Variants in HECTD2 observed in about 807,000 individuals in gnomAD.
HECTD2 encodes the protein probable E3 ubiquitin-protein ligase HECTD2.
A neutral mutation model predicts 103.2 loss-of-function variants in HECTD2; 35 were observed. The observed-to-expected ratio is 0.34, with a 90% CI of 0.26 to 0.45. HECTD2 has a LOEUF of 0.45. Ranked by LOEUF, HECTD2 falls within the 20% of genes least tolerant of loss-of-function variation. The pLI, the probability that HECTD2 is intolerant of heterozygous loss-of-function variation, is 1.00. For synonymous variants in HECTD2, 281 were observed against 329.9 expected (o/e 0.85, Z 1.61); for missense variants, 596 against 937.4 (o/e 0.64, Z 4.76).
intron 1 of HECTD2, among the ~76,000 whole-genome samples, chr10:91,420,032 CA>C (rs951601338): frequency 6.6e-6 from 1 of 152,124 alleles, no homozygotes; most frequent in African/African-American, 2.4e-5. Context: ...ATCATTTTGC[CA>C]TTGCACAAAA....
chr10:91,415,300 C>T (rs1166798293), intron 1 of HECTD2, among the ~76,000 whole-genome samples: 1 of 150,544 alleles, frequency 6.6e-6, no homozygotes. Context: ...GCTCTTTGTT[C>T]ATTATGTTCT....
At chr10:91,479,719 ATT>A (rs1247981800) in intron 6 of HECTD2, among the ~76,000 whole-genome samples, 1 of 152,188 alleles carries the variant, frequency 6.6e-6, no homozygotes, top group Non-Finnish European at 1.5e-5. Context: ...GAGTATAAAC[ATT>A]TTAAGACAAT....
At chr10:91,501,393 G>A in intron 20 of HECTD2, 59 bp downstream of exon 20, 2 of 1,076,284 alleles carry the variant, frequency 1.9e-6, no homozygotes, top group South Asian at 1.7e-5. Context: ...TACTGCTAAT[G>A]ATAATACATT....
At chr10:91,462,645 G>A in intron 5 of HECTD2, 1 of 1,008,612 alleles carries the variant, frequency 9.9e-7, no homozygotes, top group South Asian at 4.7e-5. Flanking sequence ...TTTATGATGT[G>A]ACACATACTA....
intron 2 of HECTD2, among the ~76,000 whole-genome samples, chr10:91,451,789 AG>A (rs1163515027): frequency 2.6e-5 from 4 of 152,118 alleles, no homozygotes; most frequent in Non-Finnish European, 2.9e-5. Flanking sequence ...ATAGGAGGGT[AG>A]GTAAAGAAGG....
chr10:91,440,254 A>G (rs909105230), intron 2 of HECTD2, among the ~76,000 whole-genome samples: 4 of 152,106 alleles, frequency 2.6e-5, no homozygotes, highest in African/African-American at 9.7e-5. Context: ...CATCCCATCA[A>G]TACCTAGTTT....
chr10:91,475,899 C>T (rs1845882348), intron 5 of HECTD2, among the ~76,000 whole-genome samples: 1 of 152,168 alleles, frequency 6.6e-6, no homozygotes, highest in South Asian at 2.1e-4. Flanking sequence ...CCATGACAAC[C>T]ATCCCATGGT....
chr10:91,434,041 A>C (rs1241165287), intron 2 of HECTD2, among the ~76,000 whole-genome samples: 1 of 152,012 alleles, frequency 6.6e-6, no homozygotes. Flanking sequence ...CTTTTATTAC[A>C]GTTTTATAAA....
intron 2 of HECTD2, among the ~76,000 whole-genome samples, chr10:91,454,082 G>T (rs935054448): frequency 7.2e-5 from 11 of 152,130 alleles, no homozygotes; most frequent in African/African-American, 2.6e-4. Context: ...TCCACAATTA[G>T]GTATTGAAGT....
intron 2 of HECTD2, among the ~76,000 whole-genome samples, chr10:91,436,117 A>G (rs944894451): frequency 1.3e-5 from 2 of 151,754 alleles, no homozygotes; most frequent in African/African-American, 2.4e-5. Flanking sequence ...TTCTCCCTGC[A>G]TGGTGTCTGA....
At position 91,472,581 on chromosome 10, in the gene HECTD2, A is replaced by T. The variant is rs117142383; in HGVS notation, c.601-5620A>T. 2.7e-4 allele frequency among the ~76,000 whole-genome samples: 41 copies of T among 152,340 alleles called. No homozygotes were observed. The East Asian group carries it at 7.3e-3, about 27-fold the overall frequency. On this transcript the variant is annotated intron_variant, in intron 5 of 20. Coordinates refer to ENST00000298068, the MANE Select transcript of HECTD2 (RefSeq NM_182765.6). The stretch of plus-strand genomic sequence containing the variant: ...ATCCAACAGAGGTCTAATATCCAGA[A>T]TCTATAAAAAACTGAAATAATAAGC...
intron 1 of HECTD2, among the ~76,000 whole-genome samples, chr10:91,411,539 T>C (rs1367239005): frequency 6.6e-6 from 1 of 152,254 alleles, no homozygotes; most frequent in Non-Finnish European, 1.5e-5. Flanking sequence ...TCTTAAAACC[T>C]CCCTCTTAAA....
Position 91,513,410 on chromosome 10 carries a change from G to A in HECTD2, c.*1026G>A, listed in dbSNP as rs1847500739. 1 of 152,554 alleles carries A rather than the reference G, an allele frequency of 6.6e-6. No homozygotes were observed. The highest frequency in any genetic ancestry group is 2.4e-5 in the African/African-American group (1 of 41,440). The allele number at this position is 152,554 out of a possible 1,614,324, so 9.5% of individuals were successfully genotyped here. ...AAGTGAATACAATAATAACACTTGT[G>A]TCAAAATGATATAGCTTAGTATAAA... On this transcript the variant is annotated 3_prime_UTR_variant, in exon 21 of 21. Coordinates refer to ENST00000298068, the MANE Select transcript of HECTD2 (RefSeq NM_182765.6).
At chr10:91,477,971 T>C (rs1203057980) in intron 5 of HECTD2, among the ~76,000 whole-genome samples, 2 of 152,204 alleles carry the variant, frequency 1.3e-5, no homozygotes, top group African/African-American at 2.4e-5. Context: ...CACCACCATA[T>C]ATGTTTGTGC....
intron 2 of HECTD2, among the ~76,000 whole-genome samples, chr10:91,456,102 C>T (rs1455301953): frequency 6.6e-6 from 1 of 152,118 alleles, no homozygotes; most frequent in Non-Finnish European, 1.5e-5. Flanking sequence ...TTTTCCAATT[C>T]TGTGAAGAAA....
intron 5 of HECTD2, among the ~76,000 whole-genome samples, chr10:91,471,055 A>T (rs1011172856): frequency 6.6e-6 from 1 of 152,094 alleles, no homozygotes. Flanking sequence ...CCTGATGAAA[A>T]TTGATGCAAA....
Position 91,484,551 on chromosome 10 carries a change from A to C in HECTD2, c.866A>C (p.Gln289Pro). ...RFKQLVERLL[Q>P]FISLRLFPAK... is the part of the protein sequence containing the mutation. ...AAACAATTGGTAGAGAGATTGCTGC[A>C]ATTTATTTCTTTACGCCTGTTTCCT... Residue 289 changes from glutamine to proline, a missense_variant, in exon 9 of 21, where the codon CAA becomes CCA. Physicochemically the swap from Gln to Pro is moderately conservative, Grantham distance 76. Transcript: ENST00000298068. 1 of 1,612,024 alleles carries C rather than the reference A, an allele frequency of 6.2e-7. No individual in the cohort carries two copies. The highest frequency in any genetic ancestry group is 8.5e-7 in the Non-Finnish European group (1 of 1,178,704).
At chr10:91,436,961 A>G (rs1203650318) in intron 2 of HECTD2, among the ~76,000 whole-genome samples, 1 of 152,004 alleles carries the variant, frequency 6.6e-6, no homozygotes, top group Admixed American at 6.6e-5. Context: ...TTAAAGTGGA[A>G]TTTCGGGAGG....
At chr10:91,512,087 G>A (rs1346139968) in intron 20 of HECTD2, among the ~76,000 whole-genome samples, 177 bp from the exon 21 acceptor site, 1 of 152,170 alleles carries the variant, frequency 6.6e-6, no homozygotes, top group Non-Finnish European at 1.5e-5. Context: ...CTAGAGTGGT[G>A]TCTGATACAA....
Sources: gnomAD v4.1 joint callset for allele counts (sites outside exome capture counted in the v4.1 genomes callset) on GRCh38, gnomAD v4.1.1 for gene constraint, MANE v1.5 for transcripts, NCBI Gene and HGNC (gene_info 2026-07-23, HGNC 2026-07-21) for gene names.